Variants in NUDT3 observed in about 807,000 individuals in gnomAD.
The protein encoded by NUDT3 is nudix hydrolase 3.
A neutral mutation model predicts 23.6 loss-of-function variants in NUDT3; 9 were observed. The observed-to-expected ratio is 0.38, with a 90% CI of 0.23 to 0.66. The LOEUF (loss-of-function observed/expected upper bound fraction) is 0.66. Ranked by LOEUF, NUDT3 falls within the 30% of genes least tolerant of loss-of-function variation. The probability of loss-of-function intolerance (pLI) is 0.52; values close to 1 mark genes in which losing one functional copy is unlikely to be tolerated. For missense variants in NUDT3, 172 were observed against 218.5 expected, an observed-to-expected ratio of 0.79 and a Z score of 1.34; for synonymous variants, 86 against 82.6, an observed-to-expected ratio of 1.04 and a Z score of -0.22.
At chr6:34,382,683 T>C (rs1023560924) in intron 1 of NUDT3, among the ~76,000 whole-genome samples, 1 of 151,322 alleles carries the variant, frequency 6.6e-6, no homozygotes, top group Non-Finnish European at 1.5e-5. Flanking sequence ...AAAAATAAAT[T>C]AGCCAGGCAT....
At chr6:34,382,234 A>G (rs1765031887) in intron 1 of NUDT3, among the ~76,000 whole-genome samples, 1 of 151,628 alleles carries the variant, frequency 6.6e-6, no homozygotes, top group South Asian at 2.1e-4. Flanking sequence ...CATCTCTACA[A>G]AAAATAAAAA....
chr6:34,305,044 G>A (rs189335795), intron 2 of NUDT3, among the ~76,000 whole-genome samples: 25 of 145,112 alleles, frequency 1.7e-4, no homozygotes, highest in African/African-American at 5.9e-4. Context: ...GAGCAATGGC[G>A]TGATACTGGC....
intron 4 of NUDT3, 92 bp downstream of exon 4, chr6:34,293,359 G>T: frequency 6.8e-7 from 1 of 1,466,450 alleles, no homozygotes; most frequent in Non-Finnish European, 9.5e-7. Flanking sequence ...ACTGAGCCTG[G>T]TACGCTCTTG....
At chr6:34,307,073 C>A (rs1332739288) in intron 2 of NUDT3, among the ~76,000 whole-genome samples, 1 of 151,980 alleles carries the variant, frequency 6.6e-6, no homozygotes, top group East Asian at 1.9e-4. Flanking sequence ...GAAGCAAAAA[C>A]ATTTATATCA....
intron 1 of NUDT3, among the ~76,000 whole-genome samples, chr6:34,367,176 G>A (rs1764748516): frequency 1.3e-5 from 2 of 152,016 alleles, no homozygotes; most frequent in South Asian, 4.1e-4. Flanking sequence ...GAGCCACAAT[G>A]CCTGACCTAA....
intron 2 of NUDT3, among the ~76,000 whole-genome samples, chr6:34,314,527 C>T (rs1253364236): frequency 6.6e-6 from 1 of 151,198 alleles, no homozygotes; most frequent in Non-Finnish European, 1.5e-5. Context: ...CCACTGCATT[C>T]CAGCCTGGGC....
intron 2 of NUDT3, among the ~76,000 whole-genome samples, chr6:34,320,195 T>C (rs1367719682): frequency 1.3e-5 from 2 of 152,194 alleles, no homozygotes; most frequent in African/African-American, 4.8e-5. Flanking sequence ...GTGGCGAGTA[T>C]GAAAATTTTA....
At chr6:34,316,762 C>G (rs891659909) in intron 2 of NUDT3, among the ~76,000 whole-genome samples, 1 of 152,138 alleles carries the variant, frequency 6.6e-6, no homozygotes, top group Non-Finnish European at 1.5e-5. Flanking sequence ...ACCAGTATTG[C>G]TGGAGCACAG....
chr6:34,291,650 G>A (rs937217610), intron 4 of NUDT3, among the ~76,000 whole-genome samples: 1 of 151,822 alleles, frequency 6.6e-6, no homozygotes, highest in African/African-American at 2.4e-5. Context: ...TTACAGGTGT[G>A]TGCCACCATG....
At chr6:34,310,588 C>T (rs773052372) in intron 2 of NUDT3, among the ~76,000 whole-genome samples, 5 of 152,112 alleles carry the variant, frequency 3.3e-5, no homozygotes, top group Non-Finnish European at 1.5e-5. Context: ...AAACAGAAAA[C>T]ACCAAGCCCA....
intron 2 of NUDT3, among the ~76,000 whole-genome samples, chr6:34,334,495 C>T (rs1357408308): frequency 1.3e-5 from 2 of 151,844 alleles, no homozygotes; most frequent in Admixed American, 6.6e-5. Context: ...CGAAACTAGC[C>T]GGGCATGGTA....
intron 1 of NUDT3, among the ~76,000 whole-genome samples, chr6:34,380,084 T>G (rs916893569): frequency 1.3e-5 from 2 of 152,114 alleles, no homozygotes; most frequent in African/African-American, 2.4e-5. Flanking sequence ...ATCTATTTAT[T>G]TATTTATTTA....
At chr6:34,313,208 T>C (rs1454005955) in intron 2 of NUDT3, among the ~76,000 whole-genome samples, 1 of 151,642 alleles carries the variant, frequency 6.6e-6, no homozygotes, top group Non-Finnish European at 1.5e-5. Flanking sequence ...AATAAAGACA[T>C]GGAGGAATCT....
intron 1 of NUDT3, among the ~76,000 whole-genome samples, chr6:34,390,987 G>A (rs368760030): frequency 1.2e-3 from 179 of 152,254 alleles, no homozygotes; most frequent in African/African-American, 4.2e-3. Context: ...ATATATGGTA[G>A]GATACAAAGC....
At chr6:34,299,599 AAT>A (rs1491515524) in intron 2 of NUDT3, among the ~76,000 whole-genome samples, 4 of 129,748 alleles carry the variant, frequency 3.1e-5, no homozygotes, top group African/African-American at 1.0e-4. Flanking sequence ...TATTTTCTTG[AAT>A]TTTTTTTTTT....
Position 34,284,102 on chromosome 6 carries a change from T to A in NUDT3, c.*4651A>T, listed in dbSNP as rs1295457594. 6.6e-6 allele frequency: 1 copy of A among 152,206 alleles called. No individual in the cohort carries two copies. Among genetic ancestry groups the A allele is most frequent in the Non-Finnish European group, 1.5e-5 (1 of 68,054 alleles). 9.4% of individuals were successfully genotyped at this position (152,206 alleles called of 1,614,324 possible). On this transcript the variant is annotated 3_prime_UTR_variant, in exon 5 of 5. Transcript: ENST00000607016. ...TCTATCCAACAGGACTCAGAATAAA[T>A]GACTGCCACCTCAACTGAGCAGTAT...
intron 1 of NUDT3, among the ~76,000 whole-genome samples, chr6:34,364,977 T>C (rs933703810): frequency 6.6e-6 from 1 of 152,014 alleles, no homozygotes; most frequent in Non-Finnish European, 1.5e-5. Flanking sequence ...GCTAAGATCA[T>C]GCCACTGCAC....
chr6:34,375,721 C>T (rs369128090), intron 1 of NUDT3, among the ~76,000 whole-genome samples: 19 of 152,248 alleles, frequency 1.2e-4, no homozygotes, highest in Admixed American at 8.5e-4. Context: ...TTCCAATCTC[C>T]GAAGAAAATG....
intron 1 of NUDT3, among the ~76,000 whole-genome samples, chr6:34,348,299 G>A (rs959666481): frequency 1.3e-5 from 2 of 151,024 alleles, no homozygotes; most frequent in East Asian, 2.0e-4. Context: ...AAAAACAAAA[G>A]CAACAACAGA....
Sources: allele counts gnomAD v4.1 joint callset (sites outside exome capture counted in the v4.1 genomes callset), GRCh38; gene constraint gnomAD v4.1.1; transcripts MANE v1.5; gene names NCBI Gene and HGNC (gene_info 2026-07-23, HGNC 2026-07-21).